HSPA14: variants seen among roughly 807,000 people sequenced by gnomAD.
The protein encoded by HSPA14 is heat shock protein family A (Hsp70) member 14.
Under a neutral mutation model 65.5 loss-of-function variants are expected in HSPA14, and 37 were observed. The ratio of observed to expected loss-of-function variants is 0.56; its 90% CI spans 0.43 to 0.74. HSPA14 has a LOEUF of 0.74. Ranked by LOEUF, HSPA14 falls within the 30% of genes least tolerant of loss-of-function variation. The probability of loss-of-function intolerance (pLI) is 0.00; values close to 1 mark genes in which losing one functional copy is unlikely to be tolerated. For synonymous variants in HSPA14, 203 were observed against 214.2 expected (o/e 0.95, Z 0.46); for missense variants, 564 against 607.6 (o/e 0.93, Z 0.75).
At chr10:14,855,386 C>G (rs970906628) in intron 9 of HSPA14, among the ~76,000 whole-genome samples, 13 of 152,048 alleles carry the variant, frequency 8.5e-5, no homozygotes, top group Non-Finnish European at 1.5e-4. Context: ...AAACTTATGT[C>G]CAACATGGTC....
chr10:14,844,626 T>C (rs1030019667), intron 3 of HSPA14: 2 of 985,158 alleles, frequency 2.0e-6, no homozygotes, highest in Non-Finnish European at 1.2e-6. Context: ...CTCCTATCAA[T>C]ATAAGGAAAT....
rs575316358 is a variant in HSPA14 at position 14,840,644 on chromosome 10, G to A, written c.221+487G>A. 4.6e-5 allele frequency among the ~76,000 whole-genome samples: 7 copies of A among 152,238 alleles called. No individual in the cohort carries two copies. In the East Asian group the frequency reaches 5.8e-4, roughly 13 times the overall value. On this transcript the variant is annotated intron_variant, in intron 3 of 13. Transcript: ENST00000378372. ...TCATTAGAGTAACAGCTAAATTAAC[G>A]TCTTATGTAAGAATCAGATTAATCA...
At chr10:14,849,577 G>C in intron 5 of HSPA14, 144 bp from the exon 6 acceptor site, 1 of 718,280 alleles carries the variant, frequency 1.4e-6, no homozygotes, top group South Asian at 1.5e-5. Flanking sequence ...GCGCAGAGAA[G>C]AAAATTGACA....
At chr10:14,864,634 G>C (rs1406050977) in intron 10 of HSPA14, among the ~76,000 whole-genome samples, 1 of 150,924 alleles carries the variant, frequency 6.6e-6, no homozygotes, top group African/African-American at 2.4e-5. Context: ...TTCCAGCTTC[G>C]TCCTACAAAG....
intron 1 of HSPA14, chr10:14,838,668 G>C (rs950873154): frequency 3.8e-6 from 2 of 525,996 alleles, no homozygotes; most frequent in African/African-American, 4.0e-5. Context: ...CGCGGCGGAG[G>C]CTCGCGGCGA....
chr10:14,846,982 A>C, intron 3 of HSPA14: 1 of 985,384 alleles, frequency 1.0e-6, no homozygotes, highest in Non-Finnish European at 1.2e-6. Context: ...GGACAAATAA[A>C]GTTTTCACTT....
rs1385719063 is a variant in HSPA14 at position 14,871,456 on chromosome 10, G to GT, written c.1452-71dup. 14 of 867,804 alleles carry GT rather than the reference G, an allele frequency of 1.6e-5. No homozygotes were observed. In the African/African-American group the frequency reaches 2.4e-4, roughly 15 times the overall value. 53.8% of individuals were successfully genotyped at this position (867,804 alleles called of 1,614,324 possible). A position where few individuals can be genotyped will look rare whatever the true frequency, so the allele number is the denominator to read the frequency against. Reference sequence around the variant, plus strand: ...ACCCTTGTTTACTGAAAGCCCTCAAGTAACTTGTTACAGACTTTATGTTTT... The same window carrying GT: ...ACCCTTGTTTACTGAAAGCCCTCAAGTTAACTTGTTACAGACTTTATGTTTT... On this transcript the variant is annotated intron_variant, in intron 13 of 13. Coordinates refer to ENST00000378372, the MANE Select transcript of HSPA14 (RefSeq NM_016299.4).
chr10:14,843,869 G>A (rs1834009086), intron 3 of HSPA14: 26 of 1,536,290 alleles, frequency 1.7e-5, no homozygotes, highest in East Asian at 2.4e-5. Flanking sequence ...TTGCTTCAGA[G>A]GTTGATTTCG....
Position 14,848,943 on chromosome 10 carries a change from A to C in HSPA14, c.376+48A>C, listed in dbSNP as rs371165434. 49 of 1,033,832 alleles carry C rather than the reference A, an allele frequency of 4.7e-5. No homozygotes were observed. In the African/African-American group the frequency reaches 7.6e-4, roughly 16 times the overall value. The allele number at this position is 1,033,832 out of a possible 1,614,324, so 64.0% of individuals were successfully genotyped here. A position where few individuals can be genotyped will look rare whatever the true frequency, so the allele number is the denominator to read the frequency against. On this transcript the variant is annotated intron_variant, in intron 5 of 13. Coordinates refer to ENST00000378372, the MANE Select transcript of HSPA14 (RefSeq NM_016299.4). Reference sequence around the variant, plus strand: ...TAGTTACCTTTAATGATCTTTTGAAAGTTGACCTTAAAAAAAAAGTTAGAG... The same window carrying C: ...TAGTTACCTTTAATGATCTTTTGAACGTTGACCTTAAAAAAAAAGTTAGAG...
At chr10:14,861,485 A>AT (rs1832749941) in intron 10 of HSPA14, among the ~76,000 whole-genome samples, 1 of 151,758 alleles carries the variant, frequency 6.6e-6, no homozygotes. Context: ...GCCTTTTTGT[A>AT]TTTTTTGTAG....
chr10:14,852,616 T>A, intron 8 of HSPA14, 85 bp downstream of exon 8: 1 of 1,106,250 alleles, frequency 9.0e-7, no homozygotes, highest in Non-Finnish European at 1.3e-6. Flanking sequence ...TATTTTAAGT[T>A]ATCCTGCTGC....
rs61749161 is a variant in HSPA14 at position 14,854,194 on chromosome 10, G to C, written c.804G>C (p.Ala268=). Residue 268 remains alanine, a synonymous_variant, in exon 9 of 14, where the codon GCG becomes GCC. Coordinates refer to ENST00000378372, the MANE Select transcript of HSPA14 (RefSeq NM_016299.4). ...AATTAACGAACAGTGCTGAAGTAGC[G>C]AAACATTCTTTGTCAACCTTGGGAA... ...MMKLTNSAEV[A]KHSLSTLGSA... is the part of the protein sequence containing the mutation. 2.0e-5 allele frequency: 32 copies of C among 1,613,660 alleles called. No homozygotes were observed. The South Asian group carries it at 3.4e-4, about 17-fold the overall frequency.
At chr10:14,841,850 G>A (rs1207873645) in intron 3 of HSPA14, among the ~76,000 whole-genome samples, 1 of 152,176 alleles carries the variant, frequency 6.6e-6, no homozygotes. Context: ...CTGCCTCATG[G>A]TCCAGGTGAT....
At chr10:14,848,206 G>T (rs1429924902) in intron 3 of HSPA14, among the ~76,000 whole-genome samples, 1 of 152,156 alleles carries the variant, frequency 6.6e-6, no homozygotes, top group Non-Finnish European at 1.5e-5. Context: ...ACCAAGCAAC[G>T]AAGATGGTCT....
intron 3 of HSPA14, chr10:14,843,574 G>C: frequency 6.4e-7 from 1 of 1,550,648 alleles, no homozygotes. Flanking sequence ...TGTTTCTGGT[G>C]GGGATAGGCC....
intron 6 of HSPA14, among the ~76,000 whole-genome samples, chr10:14,850,037 G>A (rs1265371128): frequency 2.0e-5 from 3 of 152,156 alleles, no homozygotes; most frequent in African/African-American, 7.2e-5. Context: ...CACTGACGGG[G>A]GGGCGGCGGG....
chr10:14,843,919 T>A, intron 3 of HSPA14: 1 of 1,534,950 alleles, frequency 6.5e-7, no homozygotes, highest in Non-Finnish European at 8.7e-7. Context: ...AGGCTCTGCT[T>A]CCTAAACTGG....
chr10:14,842,836 C>A lies in HSPA14; in HGVS notation c.221+2679C>A. ...ACCTTGAGGACTCCTGGGATGAATC[C>A]TCGGGTGCAGGTAACTCCCAAGCAT... On this transcript the variant is annotated intron_variant, in intron 3 of 13. Coordinates refer to ENST00000378372, the MANE Select transcript of HSPA14 (RefSeq NM_016299.4). The surrounding 1 kb of genome is among the most constrained non-coding windows in gnomAD (Gnocchi z 5.2). 1 of 1,531,402 alleles carries A rather than the reference C, an allele frequency of 6.5e-7. No individual in the cohort carries two copies. The highest frequency in any genetic ancestry group is 1.2e-5 in the South Asian group (1 of 83,626). The allele number at this position is 1,531,402 out of a possible 1,614,324, so 94.9% of individuals were successfully genotyped here.
chr10:14,863,471 A>G (rs1302087474), intron 10 of HSPA14, among the ~76,000 whole-genome samples: 1 of 152,216 alleles, frequency 6.6e-6, no homozygotes, highest in African/African-American at 2.4e-5. Flanking sequence ...ATGGGGAATC[A>G]GAGGCATATG....
Sources: gnomAD v4.1 joint callset for allele counts (sites outside exome capture counted in the v4.1 genomes callset) on GRCh38, gnomAD v4.1.1 for gene constraint, Gnocchi (gnomAD v3.1) non-coding constraint, MANE v1.5 for transcripts, NCBI Gene and HGNC (gene_info 2026-07-23, HGNC 2026-07-21) for gene names.